Variants in SMYD3 observed in about 807,000 individuals in gnomAD.
SMYD3 encodes SET and MYND domain containing 3, also known as histone-lysine N-methyltransferase SMYD3.
SMYD3 carries 36 observed loss-of-function variants against 57.7 expected under a neutral mutation model. The observed-to-expected ratio is 0.62, with a 90% confidence interval of 0.48 to 0.82. SMYD3 has a LOEUF of 0.82. SMYD3 is among the 40% of genes least tolerant of loss of function. SMYD3 has a pLI of 0.00. For synonymous variants in SMYD3, 211 were observed against 195.0 expected (o/e 1.08, Z -0.68); for missense variants, 515 against 538.8 (o/e 0.96, Z 0.44).
At chr1:246,459,005 C>T (rs1402170761) in intron 1 of SMYD3, among the ~76,000 whole-genome samples, 1 of 152,020 alleles carries the variant, frequency 6.6e-6, no homozygotes, top group East Asian at 1.9e-4. Flanking sequence ...GTGTCCCCAC[C>T]CAAATCTCAT....
chr1:246,023,844 T>TG (rs1558159569), intron 5 of SMYD3, among the ~76,000 whole-genome samples: 3 of 151,362 alleles, frequency 2.0e-5, no homozygotes, highest in African/African-American at 4.9e-5. Context: ...TGTGTGTGTG[T>TG]TACTGAAAAA....
At chr1:245,763,898 G>A (rs1436468918) in intron 11 of SMYD3, 143 bp downstream of exon 11, 3 of 596,826 alleles carry the variant, frequency 5.0e-6, no homozygotes, top group South Asian at 5.1e-5. Flanking sequence ...CAGAGTGGTT[G>A]TTAAACATTT....
chr1:245,927,867 G>A (rs564530785), intron 7 of SMYD3, 64 bp downstream of exon 7: 180 of 1,317,834 alleles, frequency 1.4e-4, no homozygotes, highest in South Asian at 6.8e-4. Context: ...TTTTAGGGAC[G>A]GGCCGAGCTG....
chr1:245,848,279 G>C (rs1441337865), intron 10 of SMYD3, among the ~76,000 whole-genome samples: 1 of 150,330 alleles, frequency 6.7e-6, no homozygotes, highest in African/African-American at 2.4e-5. Flanking sequence ...ATTTTTTTCT[G>C]TGTGTGTGTG....
At chr1:246,319,589 A>G (rs2065214792) in intron 5 of SMYD3, among the ~76,000 whole-genome samples, 1 of 152,190 alleles carries the variant, frequency 6.6e-6, no homozygotes, top group South Asian at 2.1e-4. Flanking sequence ...GTGAAACCCA[A>G]CAGAGCTCAT....
chr1:246,048,659 C>T (rs1296772407), intron 5 of SMYD3, among the ~76,000 whole-genome samples: 1 of 152,126 alleles, frequency 6.6e-6, no homozygotes, highest in Admixed American at 6.5e-5. Context: ...ACTTCCTAAC[C>T]TTGTGAACTT....
intron 5 of SMYD3, among the ~76,000 whole-genome samples, chr1:246,134,817 A>T (rs2061643114): frequency 6.6e-6 from 1 of 150,598 alleles, no homozygotes; most frequent in Admixed American, 6.6e-5. Flanking sequence ...TGCCGCTTTT[A>T]ATGACTCATT....
At chr1:245,986,410 C>A (rs948994032) in intron 5 of SMYD3, among the ~76,000 whole-genome samples, 1 of 152,216 alleles carries the variant, frequency 6.6e-6, no homozygotes, top group Non-Finnish European at 1.5e-5. Context: ...GACAGCTACT[C>A]CCAAATACAT....
intron 2 of SMYD3, among the ~76,000 whole-genome samples, chr1:246,345,284 C>T (rs982363643): frequency 6.6e-6 from 1 of 152,060 alleles, no homozygotes; most frequent in Admixed American, 6.6e-5. Context: ...TTTCCATGTG[C>T]ATATTAGCAC....
intron 10 of SMYD3, among the ~76,000 whole-genome samples, chr1:245,836,758 G>A (rs1024572986): frequency 1.3e-5 from 2 of 152,180 alleles, no homozygotes; most frequent in African/African-American, 2.4e-5. Context: ...CTCGGTTTCA[G>A]TGATGGCTTC....
intron 5 of SMYD3, among the ~76,000 whole-genome samples, chr1:246,260,895 AG>A (rs1470857178): frequency 6.6e-6 from 1 of 152,180 alleles, no homozygotes; most frequent in Non-Finnish European, 1.5e-5. Flanking sequence ...GAAAAAATAA[AG>A]GAAACAGCTT....
chr1:246,271,868 T>C (rs2064229794), intron 5 of SMYD3, among the ~76,000 whole-genome samples: 1 of 152,194 alleles, frequency 6.6e-6, no homozygotes, highest in Non-Finnish European at 1.5e-5. Flanking sequence ...GCATTGAATC[T>C]GTAGAGGCCT....
At chr1:245,754,448 T>C (rs952978519) in intron 11 of SMYD3, among the ~76,000 whole-genome samples, 3 of 152,142 alleles carry the variant, frequency 2.0e-5, no homozygotes, top group African/African-American at 7.2e-5. Context: ...GTTTTCTTAT[T>C]CTGCCCAACT....
chr1:245,891,886 ATT>A (rs748352398), intron 8 of SMYD3, among the ~76,000 whole-genome samples: 3 of 152,186 alleles, frequency 2.0e-5, no homozygotes, highest in Non-Finnish European at 4.4e-5. Context: ...CTACAAAAAT[ATT>A]TTTAAAAATT....
At chr1:246,444,500 T>C (rs552914688) in intron 1 of SMYD3, among the ~76,000 whole-genome samples, 1 of 152,240 alleles carries the variant, frequency 6.6e-6, no homozygotes, top group East Asian at 1.9e-4. Context: ...CAATCAAATA[T>C]TGTAAGATTT....
At chr1:246,097,668 A>C (rs1188386876) in intron 5 of SMYD3, among the ~76,000 whole-genome samples, 2 of 151,982 alleles carry the variant, frequency 1.3e-5, no homozygotes, top group African/African-American at 4.8e-5. Flanking sequence ...AGAGGGCTGT[A>C]CCACTGCCTG....
chr1:246,229,454 G>T (rs1446952909), intron 5 of SMYD3, among the ~76,000 whole-genome samples: 1 of 152,100 alleles, frequency 6.6e-6, no homozygotes, highest in African/African-American at 2.4e-5. Context: ...TTTAAATTTT[G>T]CAACTCTCTT....
chr1:246,179,688 A>G (rs756079613), intron 5 of SMYD3, among the ~76,000 whole-genome samples: 18 of 152,188 alleles, frequency 1.2e-4, no homozygotes, highest in Non-Finnish European at 2.4e-4. Flanking sequence ...TCAGATATAT[A>G]TTTCTCAAAA....
At chr1:246,312,761 C>T (rs2065100361) in intron 5 of SMYD3, among the ~76,000 whole-genome samples, 1 of 152,096 alleles carries the variant, frequency 6.6e-6, no homozygotes, top group Non-Finnish European at 1.5e-5. Context: ...AACAGGTAAC[C>T]AGAGACAAAT....
Sources: allele counts gnomAD v4.1 joint callset (sites outside exome capture counted in the v4.1 genomes callset), GRCh38; gene constraint gnomAD v4.1.1; transcripts MANE v1.5; gene names NCBI Gene and HGNC (gene_info 2026-07-23, HGNC 2026-07-21).